The following NR3C2 variants were observed in gnomAD, a reference collection of about 807,000 sequenced individuals.
NR3C2 encodes the protein mineralocorticoid receptor.
NR3C2 carries 15 observed loss-of-function variants against 86.4 expected under a neutral mutation model. The ratio of observed to expected loss-of-function variants is 0.17; its 90% confidence interval spans 0.12 to 0.27. NR3C2 has a LOEUF of 0.27. NR3C2 is among the 10% of genes least tolerant of loss of function. The probability of loss-of-function intolerance (pLI) is 1.00; values close to 1 mark genes in which losing one functional copy is unlikely to be tolerated. For synonymous variants in NR3C2, 458 were observed against 450.5 expected (o/e 1.02, Z -0.21); for missense variants, 960 against 1,195.6 (o/e 0.80, Z 2.91).
intron 6 of NR3C2, among the ~76,000 whole-genome samples, chr4:148,122,286 AT>A (rs1732543593): frequency 1.3e-5 from 2 of 151,994 alleles, no homozygotes; most frequent in Admixed American, 6.6e-5. Context: ...ATTCCTAATA[AT>A]TTTTTGCCTT....
At chr4:148,318,293 C>T (rs372401690) in intron 2 of NR3C2, among the ~76,000 whole-genome samples, 7 of 151,486 alleles carry the variant, frequency 4.6e-5, no homozygotes, top group African/African-American at 7.3e-5. Flanking sequence ...CATTTGGGTT[C>T]GTTCCAAGTC....
At chr4:148,322,256 T>G (rs1485012806) in intron 2 of NR3C2, among the ~76,000 whole-genome samples, 2 of 149,964 alleles carry the variant, frequency 1.3e-5, no homozygotes, top group Non-Finnish European at 3.0e-5. Context: ...CCGCTGTTAG[T>G]CTGATGGGCT....
chr4:148,194,741 C>T lies in NR3C2; in HGVS notation c.2014+5G>A. 2 of 1,588,742 alleles carry T rather than the reference C, an allele frequency of 1.3e-6. No individual in the cohort carries two copies. Among genetic ancestry groups the T allele is most frequent in the Non-Finnish European group, 1.7e-6 (2 of 1,161,658 alleles). ...TTTTTATTAAACTAAAAATACAAAA[C>T]TTACCTCCTAAATTCATTCCAGCTT... On this transcript the variant is annotated splice_donor_5th_base_variant and intron_variant, in intron 4 of 8. Coordinates refer to ENST00000358102, the MANE Select transcript of NR3C2 (RefSeq NM_000901.5).
chr4:148,175,016 C>A (rs891062902), intron 4 of NR3C2, among the ~76,000 whole-genome samples: 1 of 152,004 alleles, frequency 6.6e-6, no homozygotes, highest in Non-Finnish European at 1.5e-5. Context: ...GTCAGTAGTC[C>A]CTTTGTAAGG....
At chr4:148,126,793 C>T (rs1454469359) in intron 6 of NR3C2, among the ~76,000 whole-genome samples, 1 of 152,248 alleles carries the variant, frequency 6.6e-6, no homozygotes, top group East Asian at 1.9e-4. Flanking sequence ...ATGGATTACC[C>T]GCCACCCACC....
At chr4:148,110,239 T>C (rs1035402703) in intron 8 of NR3C2, among the ~76,000 whole-genome samples, 8 of 152,212 alleles carry the variant, frequency 5.3e-5, no homozygotes, top group Non-Finnish European at 1.0e-4. Context: ...TTTCAGAGAA[T>C]GTTCCTTTCA....
chr4:148,350,181 A>G (rs1313449202), intron 2 of NR3C2, among the ~76,000 whole-genome samples: 1 of 152,198 alleles, frequency 6.6e-6, no homozygotes, highest in Non-Finnish European at 1.5e-5. Context: ...GTTGAGAAAG[A>G]TTAATTGCCC....
intron 6 of NR3C2, among the ~76,000 whole-genome samples, chr4:148,139,660 G>A (rs1733518737): frequency 2.0e-5 from 3 of 152,124 alleles, no homozygotes; most frequent in Admixed American, 2.0e-4. Context: ...ATGTTGGCTC[G>A]GGCAACACTC....
upstream of NR3C2, chr4:148,443,004 G>T (rs1429882397): frequency 1.0e-6 from 1 of 984,464 alleles, no homozygotes. Flanking sequence ...CAGCGTCCGC[G>T]CGCGGGGAGG....
rs1184301163 is a variant in NR3C2, at chr4:148,130,516, C to T, written c.2511-10228G>A. On this transcript the variant is annotated intron_variant, in intron 6 of 8. Transcript: ENST00000358102. ...ACATTAGCCCCTGGATTAAGCTCTACATAGCTCTCATCATTCTGAAGGTCT... is the reference window on the plus strand; with the variant it reads ...ACATTAGCCCCTGGATTAAGCTCTATATAGCTCTCATCATTCTGAAGGTCT... 2.0e-5 allele frequency among the ~76,000 whole-genome samples: 3 copies of T among 152,306 alleles called. No individual in the cohort carries two copies. The East Asian group carries it at 5.8e-4, about 29-fold the overall frequency.
chr4:148,186,355 A>T (rs1020761528), intron 4 of NR3C2, among the ~76,000 whole-genome samples: 1 of 152,098 alleles, frequency 6.6e-6, no homozygotes, highest in African/African-American at 2.4e-5. Flanking sequence ...TTTATCTGTG[A>T]GAAAAATTAA....
intron 2 of NR3C2, among the ~76,000 whole-genome samples, chr4:148,391,688 G>A (rs921417257): frequency 1.3e-5 from 2 of 152,070 alleles, no homozygotes; most frequent in Non-Finnish European, 2.9e-5. Context: ...CCAACATGGT[G>A]AAACCCTCTC....
chr4:148,433,104 A>G (rs1749872089), intron 2 of NR3C2, among the ~76,000 whole-genome samples: 1 of 152,174 alleles, frequency 6.6e-6, no homozygotes, highest in African/African-American at 2.4e-5. Flanking sequence ...GCTCAAGGTC[A>G]CTAATTCATA....
chr4:148,332,102 A>T (rs1185211199), intron 2 of NR3C2, among the ~76,000 whole-genome samples: 1 of 152,206 alleles, frequency 6.6e-6, no homozygotes, highest in Non-Finnish European at 1.5e-5. Flanking sequence ...ATCTTTATAA[A>T]ACTATTAAAA....
chr4:148,219,344 T>C (rs1382826309), intron 3 of NR3C2, among the ~76,000 whole-genome samples: 1 of 152,194 alleles, frequency 6.6e-6, no homozygotes, highest in African/African-American at 2.4e-5. Flanking sequence ...CTAGGGGTAA[T>C]TTATATATTT....
At chr4:148,082,968 C>G (rs549313722) in intron 8 of NR3C2, among the ~76,000 whole-genome samples, 2 of 152,186 alleles carry the variant, frequency 1.3e-5, no homozygotes, top group African/African-American at 4.8e-5. Context: ...CGGGAAGTTC[C>G]AAGTGGGTAG....
upstream of NR3C2, chr4:148,444,920 C>T (rs998048090): frequency 1.0e-6 from 1 of 984,888 alleles, no homozygotes; most frequent in Admixed American, 6.2e-5. Context: ...TCCGCGCCCC[C>T]TCCCCGGGCC....
chr4:148,307,503 A>G (rs1240417457), intron 2 of NR3C2, among the ~76,000 whole-genome samples: 1 of 152,262 alleles, frequency 6.6e-6, no homozygotes, highest in Non-Finnish European at 1.5e-5. Flanking sequence ...TGTATGCATG[A>G]CACAGAGCAA....
intron 5 of NR3C2, among the ~76,000 whole-genome samples, chr4:148,153,994 A>AT (rs968795512): frequency 6.7e-5 from 10 of 149,734 alleles, no homozygotes; most frequent in South Asian, 2.1e-4. Flanking sequence ...AGTGTATGTC[A>AT]TTTTTTTTAT....
Sources: gnomAD v4.1 joint callset for allele counts (sites outside exome capture counted in the v4.1 genomes callset) on GRCh38, gnomAD v4.1.1 for gene constraint, MANE v1.5 for transcripts, NCBI Gene and HGNC (gene_info 2026-07-23, HGNC 2026-07-21) for gene names.